The following IFT25 variants were observed in gnomAD, a reference collection of about 807,000 sequenced individuals.
IFT25 encodes intraflagellar transport 25.
chr1:53,931,481 T>C, the IFT25 span, among the ~76,000 whole-genome samples: 250 of 152,372 alleles, frequency 1.6e-3, 1 homozygote, highest in African/African-American at 5.8e-3. Flanking sequence ...TCCTTCTCTA[T>C]TTTTGAGAAA....
the IFT25 span, chr1:53,930,096 T>C: frequency 1.3e-6 from 2 of 1,575,360 alleles, no homozygotes; most frequent in Admixed American, 1.9e-5. Context: ...AAACAAATAA[T>C]GAATTCCTGG....
chr1:53,938,905 T>C, the IFT25 span, among the ~76,000 whole-genome samples: 1 of 151,812 alleles, frequency 6.6e-6, no homozygotes, highest in South Asian at 2.1e-4. Flanking sequence ...AGAAACCCCG[T>C]CTCTACTAAA....
chr1:53,937,185 T>G, the IFT25 span, among the ~76,000 whole-genome samples: 2 of 152,206 alleles, frequency 1.3e-5, no homozygotes, highest in Non-Finnish European at 2.9e-5. Flanking sequence ...TGGCATGATC[T>G]CAGCTCACTG....
chr1:53,916,431 A>G, the IFT25 span: 1 of 152,424 alleles, frequency 6.6e-6, no homozygotes, highest in South Asian at 2.1e-4. Flanking sequence ...AAAAGACTTA[A>G]AGATAACTCA....
chr1:53,914,527 A>G, the IFT25 span, among the ~76,000 whole-genome samples: 1 of 152,068 alleles, frequency 6.6e-6, no homozygotes, highest in Non-Finnish European at 1.5e-5. Flanking sequence ...TGTATATATC[A>G]TACTTTCTAA....
the IFT25 span, among the ~76,000 whole-genome samples, chr1:53,943,013 T>C: frequency 1.8e-4 from 27 of 152,130 alleles, no homozygotes; most frequent in African/African-American, 6.0e-4. Flanking sequence ...AGGTGAAAAA[T>C]AGAAATGCGA....
At chr1:53,923,565 C>T in the IFT25 span, 1 of 223,792 alleles carries the variant, frequency 4.5e-6, no homozygotes, top group East Asian at 1.2e-4. Context: ...TCAATTTTGG[C>T]ATCGCGACCC....
the IFT25 span, among the ~76,000 whole-genome samples, chr1:53,944,146 G>A: frequency 6.6e-5 from 10 of 152,126 alleles, no homozygotes; most frequent in Admixed American, 6.5e-4. Context: ...AGTAGAAACG[G>A]CAGAGACTTG....
chr1:53,941,431 G>T, the IFT25 span, among the ~76,000 whole-genome samples: 5 of 152,160 alleles, frequency 3.3e-5, no homozygotes, highest in Non-Finnish European at 7.4e-5. Context: ...CTTAGTTTTT[G>T]TTTATTAGCA....
chr1:53,933,540 C>T, the IFT25 span, among the ~76,000 whole-genome samples: 18 of 152,192 alleles, frequency 1.2e-4, no homozygotes, highest in East Asian at 3.8e-4. Context: ...ATAACTACAG[C>T]GACTTTCTTA....
chr1:53,918,440 C>T, the IFT25 span, among the ~76,000 whole-genome samples: 23 of 152,334 alleles, frequency 1.5e-4, no homozygotes, highest in East Asian at 1.3e-3. Flanking sequence ...AGGAAAAGAA[C>T]TCCGAAGGGT....
chr1:53,932,869 C>G, the IFT25 span, among the ~76,000 whole-genome samples: 2 of 152,098 alleles, frequency 1.3e-5, no homozygotes, highest in Non-Finnish European at 2.9e-5. Flanking sequence ...CACAACCCAT[C>G]AATACATTCT....
the IFT25 span, among the ~76,000 whole-genome samples, chr1:53,942,781 TGACTAAG>T: frequency 6.6e-6 from 1 of 152,200 alleles, no homozygotes; most frequent in Non-Finnish European, 1.5e-5. Flanking sequence ...ACAACCTAAG[TGACTAAG>T]ACTTGGTTCT....
chr1:53,938,799 G>T, the IFT25 span, among the ~76,000 whole-genome samples: 1 of 152,066 alleles, frequency 6.6e-6, no homozygotes, highest in Non-Finnish European at 1.5e-5. Flanking sequence ...TCCTCCACCA[G>T]GCAGGGGGCT....
At chr1:53,914,079 C>T in the IFT25 span, among the ~76,000 whole-genome samples, 3 of 152,224 alleles carry the variant, frequency 2.0e-5, no homozygotes, top group Non-Finnish European at 4.4e-5. Flanking sequence ...CTGATTCTCT[C>T]CAGCTCCATC....
chr1:53,921,855 A>G, the IFT25 span: 1 of 781,614 alleles, frequency 1.3e-6, no homozygotes, highest in Non-Finnish European at 2.3e-6. Context: ...GCTTGATGCA[A>G]GAGTAATATT....
At chr1:53,931,405 G>C in the IFT25 span, among the ~76,000 whole-genome samples, 1 of 152,074 alleles carries the variant, frequency 6.6e-6, no homozygotes, top group Non-Finnish European at 1.5e-5. Context: ...TTTCTTTCTT[G>C]TCATGTCTTT....
chr1:53,935,788 A>T, the IFT25 span, among the ~76,000 whole-genome samples: 3 of 152,124 alleles, frequency 2.0e-5, no homozygotes, highest in Admixed American at 2.0e-4. Context: ...CAGCTCTCCT[A>T]ACTCAAAATT....
At chr1:53,920,059 A>ACC in the IFT25 span, among the ~76,000 whole-genome samples, 1,357 of 152,266 alleles carry the variant, frequency 8.9e-3, 22 homozygotes, top group African/African-American at 0.03. Flanking sequence ...TTGGCCTCCC[A>ACC]AAGTGCTGGG....
Sources: allele counts gnomAD v4.1 joint callset (sites outside exome capture counted in the v4.1 genomes callset), GRCh38; gene constraint gnomAD v4.1.1; transcripts MANE v1.5; gene names NCBI Gene and HGNC (gene_info 2026-07-23, HGNC 2026-07-21).